FN3K: variants seen among roughly 807,000 people sequenced by gnomAD.
The protein encoded by FN3K is fructosamine-3-kinase.
In FN3K, 24 loss-of-function variants were observed where a neutral mutation model predicts 24.8. That is an observed-to-expected ratio of 0.97 (90% CI 0.70 to 1.36). The LOEUF (loss-of-function observed/expected upper bound fraction) is 1.36. Among genes scored for constraint, FN3K ranks in the 40% most tolerant of loss-of-function variants. FN3K has a pLI of 0.00. For synonymous variants in FN3K, 192 were observed against 175.2 expected (o/e 1.10, Z -0.76); for missense variants, 449 against 416.7 (o/e 1.08, Z -0.67).
Position 82,742,837 on chromosome 17 carries a change from G to A in FN3K, c.468+1444G>A, listed in dbSNP as rs146228421. 2.0e-3 allele frequency: 831 copies of A among 411,550 alleles called. 3 individuals are homozygous for A. Among genetic ancestry groups the A allele is most frequent in the Middle Eastern group, 4.2e-3 (12 of 2,864 alleles). 25.5% of individuals were successfully genotyped at this position (411,550 alleles called of 1,614,324 possible). ...AGAATACTTTCAAATCTGTCTCCTTGTCGACGCCCGTCCTGACTAGTTGGG... is the reference window on the plus strand; with the variant it reads ...AGAATACTTTCAAATCTGTCTCCTTATCGACGCCCGTCCTGACTAGTTGGG... On this transcript the variant is annotated intron_variant, in intron 4 of 5. Transcript: ENST00000300784.
rs1242681765 is a variant in FN3K at position 82,735,718 on chromosome 17, G to T, written c.82G>T (p.Gly28Cys). The change falls in exon 1 of 6, where the codon GGC becomes TGC. Residue 28 changes from glycine (G) to cysteine (C), a missense_variant. Coordinates refer to ENST00000300784, the MANE Select transcript of FN3K (RefSeq NM_022158.4). ...GGPGAGCISE[G>C]RAYDTDAGPV... ...CCCCGGCGCCGGCTGCATCAGCGAG[G>T]GCCGAGCCTACGACACGGACGCAGG... The T allele has an allele frequency of 6.4e-7, 1 of 1,554,608 alleles. No homozygotes were observed. The highest frequency in any genetic ancestry group is 2.1e-4 in the Middle Eastern group (1 of 4,690).
At position 82,738,730 on chromosome 17, in the gene FN3K, A is replaced by T. The variant is rs2046921546; in HGVS notation, c.293+90A>T. ...GAGAGAGACAGAGAAAGGGATAGAG[A>T]TGGGGAGGGAGACAGAAACAGGGAG... On this transcript the variant is annotated intron_variant, in intron 2 of 5. Coordinates refer to ENST00000300784, the MANE Select transcript of FN3K (RefSeq NM_022158.4). The T allele has an allele frequency of 2.6e-6, 4 of 1,522,930 alleles. No individual in the cohort carries two copies. In the East Asian group the frequency reaches 9.1e-5, roughly 35 times the overall value. 94.3% of individuals were successfully genotyped at this position (1,522,930 alleles called of 1,614,324 possible). A position where few individuals can be genotyped will look rare whatever the true frequency, so the allele number is the denominator to read the frequency against.
At position 82,745,894 on chromosome 17, in the gene FN3K, C is replaced by A. The variant is rs895062598; in HGVS notation, c.469-2961C>A. On this transcript the variant is annotated intron_variant, in intron 4 of 5. Coordinates refer to ENST00000300784, the MANE Select transcript of FN3K (RefSeq NM_022158.4). ...GGATCACAAGGTCAGGAGGTCGAGA[C>A]CATCATGGCTAACACAGTGAAACCC... Among the ~76,000 whole-genome samples, 4 of 151,872 alleles carry A rather than the reference C, an allele frequency of 2.6e-5. No homozygotes were observed. In the South Asian group the frequency reaches 8.3e-4, roughly 32 times the overall value.
chr17:82,749,279 G>A (rs1230193584), intron 5 of FN3K: 13 of 460,606 alleles, frequency 2.8e-5, no homozygotes, highest in South Asian at 2.4e-4. Context: ...CATGATTACT[G>A]TTCTTACTAT....
chr17:82,739,847 G>T (rs1316033044), intron 2 of FN3K, among the ~76,000 whole-genome samples: 1 of 152,054 alleles, frequency 6.6e-6, no homozygotes, highest in African/African-American at 2.4e-5. Flanking sequence ...CAAAGTGTTG[G>T]GATTACAGGT....
In FN3K at chr17:82,748,843, CTTG is replaced by C. The variant is rs56391272; in HGVS notation, c.469-7_469-5del. On this transcript the variant is annotated splice_polypyrimidine_tract_variant and intron_variant, in intron 4 of 5. Transcript: ENST00000300784. ...GAATTGCAACAGTGGCCTCTTTTCC[CTTG>C]TTGTCCAGGTGAATGAGTGGCAGGA... The C allele has an allele frequency of 0.15, 243,737 of 1,612,098 alleles. 20,296 individuals carry two copies. The highest frequency in any genetic ancestry group is 0.29 in the South Asian group (26,479 of 91,000).
rs766011027 is a variant in FN3K at position 82,748,836 on chromosome 17, C to CT, written c.469-15dup. On this transcript the variant is annotated intron_variant, in intron 4 of 5. Transcript: ENST00000300784. ...TGGCTCCGAATTGCAACAGTGGCCT[C>CT]TTTTCCCTTGTTGTCCAGGTGAATG... 6.8e-6 allele frequency: 11 copies of CT among 1,606,718 alleles called. No homozygotes were observed. The South Asian group carries it at 1.2e-4, about 18-fold the overall frequency.
At chr17:82,747,150 C>A (rs2046973149) in intron 4 of FN3K, among the ~76,000 whole-genome samples, 1 of 151,942 alleles carries the variant, frequency 6.6e-6, no homozygotes, top group African/African-American at 2.4e-5. Flanking sequence ...TTAATGTGCT[C>A]TTTTTCTGGT....
chr17:82,741,963 A>G (rs1030541456), intron 4 of FN3K, among the ~76,000 whole-genome samples: 2 of 152,004 alleles, frequency 1.3e-5, no homozygotes, highest in South Asian at 2.1e-4. Context: ...GCTGGAGTGC[A>G]ATGGCACGAT....
intron 5 of FN3K, chr17:82,749,783 C>T (rs1317562457): frequency 2.5e-5 from 4 of 160,196 alleles, no homozygotes; most frequent in South Asian, 1.8e-4. Context: ...AGGCTGGGCA[C>T]GGTGGCTCAA....
chr17:82,739,162 G>A (rs564717878), intron 2 of FN3K, among the ~76,000 whole-genome samples: 1 of 151,472 alleles, frequency 6.6e-6, no homozygotes, highest in African/African-American at 2.4e-5. Flanking sequence ...TGGCTGAGTT[G>A]GTCTCAAACT....
At chr17:82,748,121 T>C (rs1351021033) in intron 4 of FN3K, among the ~76,000 whole-genome samples, 1 of 152,052 alleles carries the variant, frequency 6.6e-6, no homozygotes, top group East Asian at 1.9e-4. Context: ...TGTCTTGTAT[T>C]AATGTAGCCA....
chr17:82,747,508 C>T (rs574166705), intron 4 of FN3K, among the ~76,000 whole-genome samples: 23 of 152,270 alleles, frequency 1.5e-4, no homozygotes, highest in African/African-American at 5.5e-4. Flanking sequence ...TCAAGAGATT[C>T]TCCTGCCTCA....
chr17:82,744,166 G>A (rs2046955942), intron 4 of FN3K, among the ~76,000 whole-genome samples: 2 of 152,120 alleles, frequency 1.3e-5, no homozygotes, highest in African/African-American at 2.4e-5. Flanking sequence ...CCCAGGGGCC[G>A]AGTCACCACA....
chr17:82,739,679 G>A (rs1270080915), intron 2 of FN3K, among the ~76,000 whole-genome samples: 1 of 151,838 alleles, frequency 6.6e-6, no homozygotes, highest in Non-Finnish European at 1.5e-5. Context: ...GGATGGTCTC[G>A]ATCTGCTGAC....
chr17:82,738,159 T>G, intron 1 of FN3K: 1 of 277,574 alleles, frequency 3.6e-6, no homozygotes, highest in African/African-American at 2.2e-5. Context: ...AGCCCGGGGG[T>G]CCAGCTCTGG....
chr17:82,750,828 CCCTGTG>C lies in FN3K; in HGVS notation c.*76_*81del. The C allele has an allele frequency of 8.2e-7, 1 of 1,213,672 alleles. No individual in the cohort carries two copies. Among genetic ancestry groups the C allele is most frequent in the Non-Finnish European group, 1.1e-6 (1 of 883,660 alleles). 75.2% of individuals were successfully genotyped at this position (1,213,672 alleles called of 1,614,324 possible). ...CCGTCCCTGTCCCCCCGTCCCCCGT[CCCTGTG>C]CCCCCGTCCCTGTCCCCCTGTTCCC... is the stretch of plus-strand genomic sequence containing the variant. On this transcript the variant is annotated 3_prime_UTR_variant, in exon 6 of 6. Transcript: ENST00000300784.
At chr17:82,735,802 GCTCTGCGGGT>G in intron 1 of FN3K, 25 bp downstream of exon 1, 3 of 1,549,274 alleles carry the variant, frequency 1.9e-6, no homozygotes, top group South Asian at 1.2e-5. Context: ...GCAGGCGGGG[GCTCTGCGGGT>G]CTCTGCGGGG....
chr17:82,738,308 G>A (rs1391809326), intron 1 of FN3K, 181 bp from the exon 2 acceptor site: 9 of 650,144 alleles, frequency 1.4e-5, no homozygotes, highest in African/African-American at 4.9e-5. Context: ...GCAGCCTCTC[G>A]TCTCCGACGG....
Sources: gnomAD v4.1 joint callset for allele counts (sites outside exome capture counted in the v4.1 genomes callset) on GRCh38, gnomAD v4.1.1 for gene constraint, MANE v1.5 for transcripts, NCBI Gene and HGNC (gene_info 2026-07-23, HGNC 2026-07-21) for gene names.